The following STK32B variants were observed in gnomAD, a reference collection of about 807,000 sequenced individuals.
STK32B encodes the protein serine/threonine-protein kinase 32B.
STK32B carries 43 observed loss-of-function variants against 52.6 expected under a neutral mutation model. That is an observed-to-expected ratio of 0.82 (90% CI 0.64 to 1.05). The LOEUF is 1.05. STK32B is among the 50% of genes least tolerant of loss of function. The pLI, the probability that STK32B is intolerant of heterozygous loss-of-function variation, is 0.00. For missense variants in STK32B, 621 were observed against 534.6 expected, an observed-to-expected ratio of 1.16 and a Z score of -1.59; for synonymous variants, 238 against 204.3, an observed-to-expected ratio of 1.17 and a Z score of -1.41.
intron 6 of STK32B, among the ~76,000 whole-genome samples, chr4:5,433,929 T>G (rs1341737540): frequency 6.6e-6 from 1 of 152,218 alleles, no homozygotes; most frequent in Non-Finnish European, 1.5e-5. Context: ...ATGTCTCATT[T>G]CACGCCCCAT....
chr4:5,345,715 T>G (rs1048926096), intron 4 of STK32B, among the ~76,000 whole-genome samples: 1 of 152,200 alleles, frequency 6.6e-6, no homozygotes, highest in African/African-American at 2.4e-5. Flanking sequence ...GGGCCTAAGC[T>G]CATACTATCT....
At chr4:5,074,190 G>A (rs10035030) in intron 1 of STK32B, among the ~76,000 whole-genome samples, 2 of 60,744 alleles carry the variant, frequency 3.3e-5, no homozygotes, top group Non-Finnish European at 3.7e-5. Flanking sequence ...ATATATATAT[G>A]TGTGTGTGTG....
At chr4:5,186,777 C>G (rs747719521) in intron 3 of STK32B, among the ~76,000 whole-genome samples, 12 of 152,186 alleles carry the variant, frequency 7.9e-5, no homozygotes, top group Non-Finnish European at 1.8e-4. Context: ...AGGCGAGGCT[C>G]TCCTATCTAG....
At chr4:5,333,004 T>C (rs557410104) in intron 4 of STK32B, among the ~76,000 whole-genome samples, 1 of 152,332 alleles carries the variant, frequency 6.6e-6, no homozygotes, top group African/African-American at 2.4e-5. Flanking sequence ...CGTTTGGGTA[T>C]ATACCCAGTA....
In STK32B at chr4:5,466,273, G is replaced by A. The variant is rs904367229; in HGVS notation, c.910-430G>A. 3.9e-5 allele frequency among the ~76,000 whole-genome samples: 6 copies of A among 152,194 alleles called. No individual in the cohort carries two copies. In the East Asian group the frequency reaches 9.6e-4, roughly 24 times the overall value. On this transcript the variant is annotated intron_variant, in intron 9 of 11. Transcript: ENST00000282908. Reference sequence around the variant, plus strand: ...GCGGGAGGCGGGGGTACGGAGCAGGGAACCAGGGCAGGAAGTTGGGCAGAT... The same window carrying A: ...GCGGGAGGCGGGGGTACGGAGCAGGAAACCAGGGCAGGAAGTTGGGCAGAT...
At chr4:5,097,083 T>G (rs557797827) in intron 1 of STK32B, among the ~76,000 whole-genome samples, 1 of 152,248 alleles carries the variant, frequency 6.6e-6, no homozygotes, top group East Asian at 1.9e-4. Flanking sequence ...AGACTTTGAT[T>G]CTTCTTCTTG....
chr4:5,128,689 G>A (rs899787442), intron 1 of STK32B, among the ~76,000 whole-genome samples: 1 of 152,208 alleles, frequency 6.6e-6, no homozygotes, highest in African/African-American at 2.4e-5. Flanking sequence ...GGCACATGGG[G>A]AGTAAACAGG....
At chr4:5,230,013 A>G (rs1724142983) in intron 3 of STK32B, among the ~76,000 whole-genome samples, 1 of 151,744 alleles carries the variant, frequency 6.6e-6, no homozygotes, top group Admixed American at 6.6e-5. Context: ...ATTTTTTAAG[A>G]TGGAGTCTCG....
intron 1 of STK32B, among the ~76,000 whole-genome samples, chr4:5,070,610 G>T (rs552625464): frequency 1.3e-5 from 2 of 152,296 alleles, no homozygotes; most frequent in Admixed American, 1.3e-4. Context: ...AAATGAAGTT[G>T]TTAGGGTGGG....
At chr4:5,336,042 A>C (rs1318354050) in intron 4 of STK32B, among the ~76,000 whole-genome samples, 2 of 150,580 alleles carry the variant, frequency 1.3e-5, no homozygotes, top group Non-Finnish European at 2.9e-5. Context: ...TATTCTGCTA[A>C]TGAGGGTAAA....
At chr4:5,261,739 A>G (rs866691419) in intron 3 of STK32B, among the ~76,000 whole-genome samples, 88 of 152,260 alleles carry the variant, frequency 5.8e-4, no homozygotes, top group African/African-American at 1.9e-3. Context: ...GGTAGTTGTT[A>G]TTATTATTGT....
At position 5,248,456 on chromosome 4, in the gene STK32B, C is replaced by A. The variant is rs530915448; in HGVS notation, c.260+80006C>A. On this transcript the variant is annotated intron_variant, in intron 3 of 11. Coordinates refer to ENST00000282908, the MANE Select transcript of STK32B (RefSeq NM_018401.3). The stretch of plus-strand genomic sequence containing the variant: ...TTTGCTAAGAAAGAAACACGTATTT[C>A]CATTTGATTTCTAAACATAGGGCCA... Among the ~76,000 whole-genome samples, 8 of 152,248 alleles carry A rather than the reference C, an allele frequency of 5.3e-5. No homozygotes were observed. The East Asian group carries it at 1.5e-3, about 29-fold the overall frequency.
rs1367401688 is a variant in STK32B at position 5,460,971 on chromosome 4, G to A, written c.909+743G>A. ...GAAAGCATTGGATTTACATTTTAAA[G>A]GAGGGTTCTGGCAGGAGCTGGAGGC... On this transcript the variant is annotated intron_variant, in intron 9 of 11. Transcript: ENST00000282908. The surrounding 1 kb of genome is among the most constrained non-coding windows in gnomAD (Gnocchi z 4.8). 6.6e-6 allele frequency among the ~76,000 whole-genome samples: 1 copy of A among 152,184 alleles called. No individual in the cohort carries two copies. The highest frequency in any genetic ancestry group is 1.9e-4 in the East Asian group (1 of 5,188).
chr4:5,235,480 T>A (rs533315087), intron 3 of STK32B, among the ~76,000 whole-genome samples: 1 of 152,182 alleles, frequency 6.6e-6, no homozygotes, highest in South Asian at 2.1e-4. Context: ...TGGCAAGCAC[T>A]TAGACTAGTA....
intron 6 of STK32B, among the ~76,000 whole-genome samples, chr4:5,433,055 C>A (rs755734496): frequency 1.3e-5 from 2 of 152,100 alleles, no homozygotes; most frequent in South Asian, 2.1e-4. Context: ...CTACTACTTA[C>A]AAGTCTCTCA....
the STK32B span, among the ~76,000 whole-genome samples, chr4:5,036,192 T>C: frequency 6.6e-6 from 1 of 152,198 alleles, no homozygotes; most frequent in Non-Finnish European, 1.5e-5. Flanking sequence ...GAGAGAATAA[T>C]ACTATAGATG....
intron 3 of STK32B, among the ~76,000 whole-genome samples, chr4:5,289,685 ATTTTT>A (rs56211807): frequency 3.5e-5 from 3 of 86,852 alleles, no homozygotes; most frequent in Non-Finnish European, 4.8e-5. Context: ...TGCCCGGCTA[ATTTTT>A]TTTTTTTTTT....
At chr4:5,331,593 C>T (rs1019941251) in intron 4 of STK32B, among the ~76,000 whole-genome samples, 200 bp downstream of exon 4, 2 of 152,162 alleles carry the variant, frequency 1.3e-5, no homozygotes, top group East Asian at 1.9e-4. Context: ...ATCCTATACC[C>T]GTACACTACT....
At position 5,392,610 on chromosome 4, in the gene STK32B, C is replaced by T. The variant is rs71597757; in HGVS notation, c.435-5597C>T. 4.8e-3 allele frequency among the ~76,000 whole-genome samples: 727 copies of T among 152,034 alleles called. 5 individuals carry two copies. The highest frequency in any genetic ancestry group is 0.01 in the Middle Eastern group (3 of 294). The stretch of plus-strand genomic sequence containing the variant: ...AGACCAACATGAGAGTAGGTCTTAC[C>T]TCTACCGGTGTTTGACCTTTGACAA... On this transcript the variant is annotated intron_variant, in intron 4 of 11. Coordinates refer to ENST00000282908, the MANE Select transcript of STK32B (RefSeq NM_018401.3).
Sources: allele counts gnomAD v4.1 joint callset (sites outside exome capture counted in the v4.1 genomes callset), GRCh38; gene constraint gnomAD v4.1.1; non-coding constraint Gnocchi (gnomAD v3.1); transcripts MANE v1.5; gene names NCBI Gene and HGNC (gene_info 2026-07-23, HGNC 2026-07-21).